The following PCDHA2 variants were observed in gnomAD, a reference collection of about 807,000 sequenced individuals.
PCDHA2 encodes the protein protocadherin alpha 2.
In PCDHA2, 58 loss-of-function variants were observed where a neutral mutation model predicts 66.0. The observed-to-expected ratio is 0.88, with a 90% confidence interval of 0.71 to 1.09. PCDHA2 has a LOEUF of 1.09. PCDHA2 is among the 50% of genes least tolerant of loss of function. The pLI is 0.00. For synonymous variants in PCDHA2, 634 were observed against 554.0 expected (o/e 1.14, Z -2.03); for missense variants, 1,267 against 1,242.3 (o/e 1.02, Z -0.30).
chr5:140,857,882 T>A, intron 1 of PCDHA2: 1 of 1,597,334 alleles, frequency 6.3e-7, no homozygotes, highest in Non-Finnish European at 8.6e-7. Flanking sequence ...TGAATTGCAG[T>A]CGGCGGCGGT....
intron 1 of PCDHA2, chr5:140,842,828 T>C (rs2150345538): frequency 1.9e-6 from 3 of 1,593,634 alleles, no homozygotes; most frequent in South Asian, 1.1e-5. Context: ...GGGCGAGCGC[T>C]CGCTGTCGAG....
chr5:140,988,491 AGG>A (rs2097299997), intron 3 of PCDHA2, among the ~76,000 whole-genome samples: 1 of 152,182 alleles, frequency 6.6e-6, no homozygotes, highest in Non-Finnish European at 1.5e-5. Context: ...TCCCCTACCT[AGG>A]AGAAGCCATG....
At chr5:140,889,054 T>C in intron 1 of PCDHA2, among the ~76,000 whole-genome samples, 1 of 152,100 alleles carries the variant, frequency 6.6e-6, no homozygotes, top group Non-Finnish European at 1.5e-5. Flanking sequence ...TTTATAATCC[T>C]TTTAATATAC....
intron 1 of PCDHA2, chr5:140,875,216 A>G: frequency 1.4e-6 from 1 of 717,612 alleles, no homozygotes. Flanking sequence ...ACCGAAAAGA[A>G]CCTCAGGATC....
chr5:140,825,224 C>T (rs2150138653), intron 1 of PCDHA2: 2 of 151,236 alleles, frequency 1.3e-5, no homozygotes, highest in South Asian at 4.2e-4. Context: ...ATTTGTTTTT[C>T]TTTTATCTGG....
At chr5:141,007,448 G>A (rs555583994) in intron 3 of PCDHA2, among the ~76,000 whole-genome samples, 2 of 150,352 alleles carry the variant, frequency 1.3e-5, no homozygotes, top group African/African-American at 4.9e-5. Context: ...TGTGCCTGTA[G>A]TCCCAGCTAC....
intron 1 of PCDHA2, among the ~76,000 whole-genome samples, chr5:140,923,753 TG>T (rs1217230498): frequency 6.6e-6 from 1 of 152,174 alleles, no homozygotes; most frequent in Non-Finnish European, 1.5e-5. Context: ...AGGCATATGG[TG>T]GGACAAATCC....
intron 1 of PCDHA2, chr5:140,849,696 T>C (rs2150445431): frequency 6.3e-7 from 1 of 1,598,686 alleles, no homozygotes; most frequent in South Asian, 1.1e-5. Context: ...GGTGTCCACC[T>C]ACAAGAATTA....
intron 3 of PCDHA2, among the ~76,000 whole-genome samples, chr5:141,004,044 T>G (rs2098148933): frequency 6.6e-6 from 1 of 152,234 alleles, no homozygotes; most frequent in African/African-American, 2.4e-5. Context: ...ATTGATCATT[T>G]GCTGATACTG....
chr5:140,973,209 C>T (rs1273068326), intron 1 of PCDHA2, among the ~76,000 whole-genome samples: 4 of 152,100 alleles, frequency 2.6e-5, no homozygotes, highest in Non-Finnish European at 4.4e-5. Flanking sequence ...GCATATTCAC[C>T]CTAATTCCAG....
intron 1 of PCDHA2, among the ~76,000 whole-genome samples, chr5:140,951,382 G>A (rs246042): frequency 0.56 from 85,615 of 151,810 alleles, 24,753 homozygotes; most frequent in African/African-American, 0.69. Context: ...CCCAAGACTC[G>A]GTAATTTATA....
chr5:140,991,086 T>C (rs2097431989), intron 3 of PCDHA2, among the ~76,000 whole-genome samples: 1 of 152,206 alleles, frequency 6.6e-6, no homozygotes, highest in African/African-American at 2.4e-5. Context: ...ATAAAAAAAT[T>C]AAAGCTCATA....
At chr5:140,828,891 C>G (rs189039710) in intron 1 of PCDHA2, 11 of 1,614,240 alleles carry the variant, frequency 6.8e-6, no homozygotes, top group Middle Eastern at 3.3e-4. Flanking sequence ...CTGAATGCTT[C>G]TGATCGGGAT....
At chr5:140,963,060 T>C (rs539314958) in intron 1 of PCDHA2, among the ~76,000 whole-genome samples, 11 of 152,154 alleles carry the variant, frequency 7.2e-5, no homozygotes, top group Non-Finnish European at 1.6e-4. Context: ...GGTTTCTACA[T>C]TGTGAAGGAG....
Position 140,916,977 on chromosome 5 carries a change from T to A in PCDHA2, c.2389-61972T>A, listed in dbSNP as rs569550595. Among the ~76,000 whole-genome samples the A allele has an allele frequency of 2.6e-5, 4 of 152,302 alleles. No individual in the cohort carries two copies. In the South Asian group the frequency reaches 8.3e-4, roughly 32 times the overall value. On this transcript the variant is annotated intron_variant, in intron 1 of 3. Transcript: ENST00000526136. ...AGTTCTGACTGCTGGGATGAGTGAT[T>A]CGCCTCTGGCCAGGCCTGTTCCAAA...
chr5:140,857,057 G>A, intron 1 of PCDHA2: 1 of 1,596,192 alleles, frequency 6.3e-7, no homozygotes, highest in African/African-American at 1.3e-5. Flanking sequence ...CACGGTCCTA[G>A]TGGAACTACT....
chr5:140,941,963 T>A (rs2093209364), intron 1 of PCDHA2, among the ~76,000 whole-genome samples: 1 of 152,230 alleles, frequency 6.6e-6, no homozygotes. Flanking sequence ...CAATAGTATC[T>A]TTACTTTCCC....
chr5:140,854,040 T>A, intron 1 of PCDHA2: 1 of 281,106 alleles, frequency 3.6e-6, no homozygotes, highest in Non-Finnish European at 5.5e-6. Flanking sequence ...CACACATCTC[T>A]AGTCCCAATT....
intron 1 of PCDHA2, among the ~76,000 whole-genome samples, chr5:140,888,064 G>A (rs1353857736): frequency 6.6e-6 from 1 of 151,950 alleles, no homozygotes; most frequent in Non-Finnish European, 1.5e-5. Context: ...TAACTTTCTT[G>A]TCTGCTAATT....
Sources: allele counts gnomAD v4.1 joint callset (sites outside exome capture counted in the v4.1 genomes callset), GRCh38; gene constraint gnomAD v4.1.1; transcripts MANE v1.5; gene names NCBI Gene and HGNC (gene_info 2026-07-23, HGNC 2026-07-21).